CLBA1: variants seen among roughly 807,000 people sequenced by gnomAD.
The protein encoded by CLBA1 is clathrin binding box of aftiphilin containing 1.
Under a neutral mutation model 28.8 loss-of-function variants are expected in CLBA1, and 30 were observed. That is an observed-to-expected ratio of 1.04 (90% CI 0.78 to 1.41). CLBA1 has a LOEUF of 1.41. Among genes scored for constraint, CLBA1 ranks in the 40% most tolerant of loss-of-function variants. The pLI, the probability that CLBA1 is intolerant of heterozygous loss-of-function variation, is 0.00. For synonymous variants in CLBA1, 160 were observed against 152.8 expected (o/e 1.05, Z -0.35); for missense variants, 451 against 412.3 (o/e 1.09, Z -0.81).
In CLBA1 at chr14:104,986,814, G is replaced by C; in HGVS notation, c.383G>C (p.Gly128Ala). 6.2e-7 allele frequency: 1 copy of C among 1,613,340 alleles called. No homozygotes were observed. The highest frequency in any genetic ancestry group is 2.2e-5 in the East Asian group (1 of 44,842). Residue 128 changes from glycine to alanine, a missense_variant, in exon 1 of 5, where the codon GGA (glycine) becomes GCA (alanine). Transcript: ENST00000547315. The part of the protein sequence containing the change: ...ECSSHQPCQG[G>A]PWVTGTSAVP... ...AGTTCTCACCAACCATGCCAGGGTGGACCTTGGGTGACAGGAACTTCTGCC... is the reference window on the plus strand; with the variant it reads ...AGTTCTCACCAACCATGCCAGGGTGCACCTTGGGTGACAGGAACTTCTGCC...
chr14:104,986,946 G>T, intron 1 of CLBA1, 92 bp downstream of exon 1: 2 of 1,446,926 alleles, frequency 1.4e-6, no homozygotes, highest in Non-Finnish European at 1.9e-6. Flanking sequence ...TGCTGGCCAG[G>T]GAGGGGGCTG....
intron 2 of CLBA1, chr14:104,989,345 C>T (rs1379591725): frequency 1.5e-5 from 7 of 468,894 alleles, no homozygotes; most frequent in South Asian, 2.1e-5. Flanking sequence ...CCCAGCTCCC[C>T]TTGGGTCTCA....
At chr14:104,988,442 C>T (rs959073517) in intron 1 of CLBA1, among the ~76,000 whole-genome samples, 3 of 151,440 alleles carry the variant, frequency 2.0e-5, no homozygotes, top group Non-Finnish European at 4.4e-5. Flanking sequence ...CGGATTCAAG[C>T]GATTCTCCTG....
intron 1 of CLBA1, among the ~76,000 whole-genome samples, chr14:104,987,649 ACT>A (rs1165274604): frequency 1.9e-5 from 2 of 107,102 alleles, no homozygotes; most frequent in African/African-American, 3.7e-5. Context: ...AGACAGCCTC[ACT>A]CTGTCGCTGA....
Position 104,987,796 on chromosome 14 carries a change from T to C in CLBA1, c.423+942T>C, listed in dbSNP as rs1280115714. On this transcript the variant is annotated intron_variant, in intron 1 of 4. Coordinates refer to ENST00000547315, the MANE Select transcript of CLBA1 (RefSeq NM_174891.4). ...CCACGCCCGGCTAACTTTTTATATA[T>C]ATATATATATATGTATGTTTAGTAG... is the stretch of plus-strand genomic sequence containing the variant. Among the ~76,000 whole-genome samples the C allele has an allele frequency of 3.3e-5, 5 of 150,312 alleles. No homozygotes were observed. The South Asian group carries it at 8.4e-4, about 25-fold the overall frequency.
At chr14:104,996,623 G>A (rs891188277), downstream of CLBA1, among the ~76,000 whole-genome samples, 9 of 152,246 alleles carry the variant, frequency 5.9e-5, no homozygotes, top group African/African-American at 9.6e-5. Flanking sequence ...CACCCCGGGC[G>A]CAAGGCGAGG....
At position 104,991,415 on chromosome 14, in the gene CLBA1, G is replaced by A. The variant is rs114061628; in HGVS notation, c.570-76G>A. On this transcript the variant is annotated intron_variant, in intron 2 of 4. Coordinates refer to ENST00000547315, the MANE Select transcript of CLBA1 (RefSeq NM_174891.4). Reference sequence around the variant, plus strand: ...GGGTAAAGGCCAGGCGCCCCGCTGCGTGCCTCGGGCCGTGCCTCATGATCT... The same window carrying A: ...GGGTAAAGGCCAGGCGCCCCGCTGCATGCCTCGGGCCGTGCCTCATGATCT... 1.7e-3 allele frequency: 2,759 copies of A among 1,583,878 alleles called. 48 individuals carry two copies. In the African/African-American group the frequency reaches 0.034, roughly 19 times the overall value.
chr14:104,991,720 G>A (rs558801939), intron 3 of CLBA1, 100 bp downstream of exon 3: 352 of 1,440,084 alleles, frequency 2.4e-4, no homozygotes, highest in Non-Finnish European at 3.1e-4. Flanking sequence ...GCAGGCAGAG[G>A]TGTGGGTTCA....
rs1899880197 is a variant in CLBA1 at position 104,986,832 on chromosome 14, C to G, written c.401C>G (p.Thr134Ser). ...PCQGGPWVTG[T>S]SAVPPSEPIL... is the part of the protein sequence containing the mutation. ...CAGGGTGGACCTTGGGTGACAGGAACTTCTGCCGTCCCACCTTCTGAGGTA... is the reference window on the plus strand; with the variant it reads ...CAGGGTGGACCTTGGGTGACAGGAAGTTCTGCCGTCCCACCTTCTGAGGTA... The change falls in exon 1 of 5, where the codon ACT becomes AGT. Residue 134 changes from threonine to serine, a missense_variant. Transcript: ENST00000547315. 6.2e-7 allele frequency: 1 copy of G among 1,613,216 alleles called. No homozygotes were observed.
In CLBA1 at chr14:104,991,493, A is replaced by G. The variant is rs986448305; in HGVS notation, c.572A>G (p.Asn191Ser). 2 of 1,613,742 alleles carry G rather than the reference A, an allele frequency of 1.2e-6. No homozygotes were observed. Among genetic ancestry groups the G allele is most frequent in the African/African-American group, 2.7e-5 (2 of 74,930 alleles). ...TAACAAGTGCATCTGTTTTCCAGTA[A>G]CGAATCCAGAAAACTCTGGAGAGCC... Reference protein sequence around the residue: ...PGVERVHKLCNESRKLWRALQ... With the variant: ...PGVERVHKLCSESRKLWRALQ... The change falls in exon 3 of 5, where the codon AAC (asparagine) becomes AGC (serine). Residue 191 changes from asparagine to serine, a missense_variant and splice_region_variant. By Grantham distance (46) the Asn-to-Ser change is conservative. Transcript: ENST00000547315.
At chr14:105,001,212 C>T (rs1435020882) in intron 2 of CLBA1, among the ~76,000 whole-genome samples, 3 of 152,254 alleles carry the variant, frequency 2.0e-5, no homozygotes, top group East Asian at 3.9e-4. Context: ...AAAAGTCAAA[C>T]TCGCCAGGTG....
intron 4 of CLBA1, 30 bp from the exon 5 acceptor site, chr14:104,994,568 G>A (rs757882725): frequency 1.3e-5 from 21 of 1,582,188 alleles, no homozygotes; most frequent in South Asian, 4.5e-5. Context: ...CCCGGGGTGC[G>A]CGCGCCTGAC....
At chr14:104,992,861 T>G in intron 3 of CLBA1, 87 bp from the exon 4 acceptor site, 18 of 1,110,332 alleles carry the variant, frequency 1.6e-5, no homozygotes, top group Non-Finnish European at 2.3e-5. Context: ...AGTTTTAGCA[T>G]GAAATTAGTA....
chr14:104,994,519 G>A (rs1900119378), intron 4 of CLBA1, 79 bp from the exon 5 acceptor site: 4 of 1,501,858 alleles, frequency 2.7e-6, no homozygotes, highest in Non-Finnish European at 3.5e-6. Context: ...GAGGCAGGGG[G>A]CGGCCAGGGG....
rs1472450820 is a variant in CLBA1 at position 104,993,280 on chromosome 14, C to A, written c.816+216C>A. 3.0e-6 allele frequency: 3 copies of A among 985,146 alleles called. No homozygotes were observed. The African/African-American group carries it at 5.2e-5, about 17-fold the overall frequency. The allele number at this position is 985,146 out of a possible 1,614,324, so 61.0% of individuals were successfully genotyped here. On this transcript the variant is annotated intron_variant, in intron 4 of 4. Coordinates refer to ENST00000547315, the MANE Select transcript of CLBA1 (RefSeq NM_174891.4). Reference sequence around the variant, plus strand: ...GGAATATAAATACCATCCGGAAAGACTCTCAGGCCAGAGGACCCAGGATAT... The same window carrying A: ...GGAATATAAATACCATCCGGAAAGAATCTCAGGCCAGAGGACCCAGGATAT...
At chr14:104,994,160 G>A in intron 4 of CLBA1, 7 of 985,488 alleles carry the variant, frequency 7.1e-6, no homozygotes, top group Non-Finnish European at 8.4e-6. Context: ...AGCAGCAGCT[G>A]TAAAGAAATG....
rs1595445248 is a variant in CLBA1 at position 104,993,459 on chromosome 14, G to A, written c.816+395G>A. On this transcript the variant is annotated intron_variant, in intron 4 of 4. Transcript: ENST00000547315. The stretch of plus-strand genomic sequence containing the variant: ...CTCCGCCTGGGCAGCTGTCGTGAAC[G>A]GATCTGACTGGCGGCTTCAGTCACG... 8.1e-6 allele frequency: 8 copies of A among 985,390 alleles called. 1 individual carries two copies. In the South Asian group the frequency reaches 1.9e-4, roughly 23 times the overall value. 61.0% of individuals were successfully genotyped at this position (985,390 alleles called of 1,614,324 possible). A position where few individuals can be genotyped will look rare whatever the true frequency, so the allele number is the denominator to read the frequency against.
In CLBA1 at chr14:104,986,330, C is replaced by A; in HGVS notation, c.-102C>A. The stretch of plus-strand genomic sequence containing the variant: ...TCCTGCAGCGTCCCCTGGCCCTCTC[C>A]AGGGCAGGGGAAGGTTGGGCAGTCC... On this transcript the variant is annotated 5_prime_UTR_variant, in exon 1 of 5. Transcript: ENST00000547315. 7.8e-7 allele frequency: 1 copy of A among 1,285,036 alleles called. No individual in the cohort carries two copies. Among genetic ancestry groups the A allele is most frequent in the Non-Finnish European group, 1.1e-6 (1 of 942,750 alleles). The allele number at this position is 1,285,036 out of a possible 1,614,324, so 79.6% of individuals were successfully genotyped here.
rs866102312 is a variant in CLBA1 at position 104,992,818 on chromosome 14, G to A, written c.700-130G>A. The A allele has an allele frequency of 8.8e-5, 72 of 815,580 alleles. No homozygotes were observed. The Middle Eastern group carries it at 2.4e-3, about 27-fold the overall frequency. The allele number at this position is 815,580 out of a possible 1,614,324, so 50.5% of individuals were successfully genotyped here. The stretch of plus-strand genomic sequence containing the variant: ...AGGGCGACACAGGGGAAACTGGTGC[G>A]CTGACCTTGAGAGGGGCCTGAGAGA... On this transcript the variant is annotated intron_variant, in intron 3 of 4. Coordinates refer to ENST00000547315, the MANE Select transcript of CLBA1 (RefSeq NM_174891.4).
Sources: gnomAD v4.1 joint callset for allele counts (sites outside exome capture counted in the v4.1 genomes callset) on GRCh38, gnomAD v4.1.1 for gene constraint, MANE v1.5 for transcripts, NCBI Gene and HGNC (gene_info 2026-07-23, HGNC 2026-07-21) for gene names.